KCNIP2: variants seen among roughly 807,000 people sequenced by gnomAD.
KCNIP2 encodes the protein potassium voltage-gated channel interacting protein 2.
KCNIP2 carries 19 observed loss-of-function variants against 39.0 expected under a neutral mutation model. The ratio of observed to expected loss-of-function variants is 0.49; its 90% CI spans 0.34 to 0.71. KCNIP2 has a LOEUF of 0.71. KCNIP2 is among the 30% of genes least tolerant of loss of function. The probability of loss-of-function intolerance (pLI) is 0.01; values close to 1 mark genes in which losing one functional copy is unlikely to be tolerated. For synonymous variants in KCNIP2, 111 were observed against 131.2 expected (o/e 0.85, Z 1.05); for missense variants, 261 against 346.0 (o/e 0.75, Z 1.95).
chr10:101,832,573 C>T (rs1176644147), intron 1 of KCNIP2, among the ~76,000 whole-genome samples: 4 of 152,150 alleles, frequency 2.6e-5, no homozygotes, highest in Admixed American at 1.3e-4. Context: ...TCAACACATC[C>T]TTACCTCCCT....
chr10:101,831,241 G>T, intron 1 of KCNIP2, 74 bp from the exon 2 acceptor site: 1 of 1,157,002 alleles, frequency 8.6e-7, no homozygotes. Context: ...CTCCCCGCCA[G>T]TCACAAATCA....
intron 2 of KCNIP2, among the ~76,000 whole-genome samples, chr10:101,830,705 A>G (rs1391072731): frequency 2.0e-5 from 3 of 149,356 alleles, no homozygotes; most frequent in South Asian, 2.1e-4. Flanking sequence ...ACACACACAC[A>G]CACACGCACG....
At chr10:101,834,382 G>A in intron 1 of KCNIP2, 1 of 399,320 alleles carries the variant, frequency 2.5e-6, no homozygotes, top group Admixed American at 4.4e-5. Flanking sequence ...TGGGCCTGGG[G>A]CATGGCCCCT....
chr10:101,828,098 G>A lies in KCNIP2; in HGVS notation c.597+53C>T. ...TCATATTTCCCTCCCATCACCCTCT[G>A]CACGCCACCCCCATCACCGCCACAG... is the stretch of plus-strand genomic sequence containing the variant. On this transcript the variant is annotated intron_variant, in intron 7 of 9. Transcript: ENST00000356640. The surrounding 1 kb of genome is among the most constrained non-coding windows in gnomAD (Gnocchi z 6.6). The A allele has an allele frequency of 6.4e-7, 1 of 1,565,846 alleles. No homozygotes were observed. Among genetic ancestry groups the A allele is most frequent in the Non-Finnish European group, 8.8e-7 (1 of 1,136,438 alleles).
rs2066234874 is a variant in KCNIP2 at position 101,838,751 on chromosome 10, G to A, written c.73+4745C>T. Among the ~76,000 whole-genome samples the A allele has an allele frequency of 6.6e-6, 1 of 152,232 alleles. No homozygotes were observed. Among genetic ancestry groups the A allele is most frequent in the Non-Finnish European group, 1.5e-5 (1 of 68,042 alleles). ...CCTCCTTTTGGGGGACAGATGGCAA[G>A]GAGAGGCCACAGGCCCTATCTATAC... On this transcript the variant is annotated intron_variant, in intron 1 of 9. Transcript: ENST00000356640. This position sits in a 1 kb window ranked among gnomAD's most constrained non-coding sequence, Gnocchi z 4.0.
chr10:101,836,702 C>A (rs1211050563), intron 1 of KCNIP2, among the ~76,000 whole-genome samples: 2 of 152,162 alleles, frequency 1.3e-5, no homozygotes, highest in Admixed American at 1.3e-4. Flanking sequence ...GTGGCTCATG[C>A]CTGTAATCCC....
intron 1 of KCNIP2, among the ~76,000 whole-genome samples, chr10:101,834,563 C>CGCCTCT (rs201211557): frequency 0.023 from 3,567 of 152,346 alleles, 67 homozygotes; most frequent in Middle Eastern, 0.051. Context: ...CCACAGCCGC[C>CGCCTCT]GCCTCTTCCT....
chr10:101,836,197 T>TA (rs1438435634), intron 1 of KCNIP2, among the ~76,000 whole-genome samples: 1 of 151,724 alleles, frequency 6.6e-6, no homozygotes, highest in East Asian at 1.9e-4. Flanking sequence ...CACAGTACCA[T>TA]ACACCTTCCT....
chr10:101,839,889 C>T (rs370331652), intron 1 of KCNIP2: 17 of 1,528,192 alleles, frequency 1.1e-5, no homozygotes, highest in Non-Finnish European at 1.2e-5. Context: ...GGCCCCGGGG[C>T]GGTCCGGTCT....
In KCNIP2 at chr10:101,828,804, C is replaced by G; in HGVS notation, c.349-108G>C. 6.3e-7 allele frequency: 1 copy of G among 1,596,852 alleles called. No homozygotes were observed. Among genetic ancestry groups the G allele is most frequent in the Non-Finnish European group, 8.5e-7 (1 of 1,171,366 alleles). ...CCAGGGAGGGGGATAATCTTCAAGC[C>G]TCCAGAGGACTCACCACGTGGCTCA... is the stretch of plus-strand genomic sequence containing the variant. On this transcript the variant is annotated intron_variant, in intron 4 of 9. Coordinates refer to ENST00000356640, the MANE Select transcript of KCNIP2 (RefSeq NM_173191.3). This position sits in a 1 kb window ranked among gnomAD's most constrained non-coding sequence, Gnocchi z 6.6.
At chr10:101,830,402 G>T (rs752253144) in intron 2 of KCNIP2, 1 of 1,284,622 alleles carries the variant, frequency 7.8e-7, no homozygotes, top group South Asian at 1.3e-5. Flanking sequence ...GGGGGCGGCC[G>T]CACGGAGTTG....
In KCNIP2 at chr10:101,827,153, C is replaced by A; in HGVS notation, c.*200G>T. The A allele has an allele frequency of 8.1e-7, 1 of 1,237,898 alleles. No homozygotes were observed. Among genetic ancestry groups the A allele is most frequent in the Non-Finnish European group, 1.0e-6 (1 of 973,632 alleles). The allele number at this position is 1,237,898 out of a possible 1,614,324, so 76.7% of individuals were successfully genotyped here. A position where few individuals can be genotyped will look rare whatever the true frequency, so the allele number is the denominator to read the frequency against. ...TGAGAGCTGGTGGGAGTTGGGAACACCCCCCGAGATGCACTCTGCCCACTC... is the reference window on the plus strand; with the variant it reads ...TGAGAGCTGGTGGGAGTTGGGAACAACCCCCGAGATGCACTCTGCCCACTC... On this transcript the variant is annotated 3_prime_UTR_variant, in exon 10 of 10. Transcript: ENST00000356640.
At position 101,827,869 on chromosome 10, in the gene KCNIP2, G is replaced by C. The variant is rs769663599; in HGVS notation, c.702+20C>G. ...CTTCCCTTCACTCCAGGGCCCTCCAGCCTACCCACTCCCAAGTACCTGGAA... is the reference window on the plus strand; with the variant it reads ...CTTCCCTTCACTCCAGGGCCCTCCACCCTACCCACTCCCAAGTACCTGGAA... On this transcript the variant is annotated intron_variant, in intron 8 of 9. Transcript: ENST00000356640. 6.3e-7 allele frequency: 1 copy of C among 1,595,580 alleles called. No individual in the cohort carries two copies. The highest frequency in any genetic ancestry group is 8.6e-7 in the Non-Finnish European group (1 of 1,163,166).
At chr10:101,836,211 C>G (rs780011815) in intron 1 of KCNIP2, among the ~76,000 whole-genome samples, 1 of 152,152 alleles carries the variant, frequency 6.6e-6, no homozygotes, top group Non-Finnish European at 1.5e-5. Context: ...CCTTCCTTCT[C>G]CCCGACCTGC....
At chr10:101,841,975 T>G (rs2066350772) in intron 1 of KCNIP2, among the ~76,000 whole-genome samples, 1 of 152,214 alleles carries the variant, frequency 6.6e-6, no homozygotes, top group South Asian at 2.1e-4. Flanking sequence ...GCATGGTCTC[T>G]CATCTGGGGC....
chr10:101,829,298 TCCGATG>T, intron 3 of KCNIP2, 99 bp from the exon 4 acceptor site: 4 of 1,402,688 alleles, frequency 2.9e-6, no homozygotes, highest in African/African-American at 1.5e-5. Flanking sequence ...CCCGGTCCCA[TCCGATG>T]CCGGAGACCA....
chr10:101,834,972 T>C (rs1045414842), intron 1 of KCNIP2, among the ~76,000 whole-genome samples: 17 of 152,184 alleles, frequency 1.1e-4, no homozygotes, highest in African/African-American at 4.1e-4. Context: ...GTTTGGCGTA[T>C]GGTTATGCAT....
At position 101,828,215 on chromosome 10, in the gene KCNIP2, T is replaced by G. The variant is rs1434391072; in HGVS notation, c.533A>C (p.Asp178Ala). ...GLSVILRGTV[D>A]DRLNWAFNLY... Reference sequence around the variant, plus strand: ...GTTGAAGGCCCAATTAAGCCTGTCATCTACAGTTCCCCGAAGAATCACGGA... The same window carrying G: ...GTTGAAGGCCCAATTAAGCCTGTCAGCTACAGTTCCCCGAAGAATCACGGA... Residue 178 changes from aspartate to alanine, a missense_variant, in exon 7 of 10, where the codon GAT (aspartate) becomes GCT (alanine). Coordinates refer to ENST00000356640, the MANE Select transcript of KCNIP2 (RefSeq NM_173191.3). The surrounding 1 kb of genome is among the most constrained non-coding windows in gnomAD (Gnocchi z 6.6). The G allele has an allele frequency of 6.2e-6, 10 of 1,614,102 alleles. No individual in the cohort carries two copies. The highest frequency in any genetic ancestry group is 6.8e-6 in the Non-Finnish European group (8 of 1,180,020).
intron 1 of KCNIP2, among the ~76,000 whole-genome samples, chr10:101,833,528 C>T (rs1168243046): frequency 6.6e-6 from 1 of 152,106 alleles, no homozygotes; most frequent in East Asian, 1.9e-4. Context: ...TCCTCCCAAG[C>T]CTTGGGTATG....
Sources: gnomAD v4.1 joint callset for allele counts (sites outside exome capture counted in the v4.1 genomes callset) on GRCh38, gnomAD v4.1.1 for gene constraint, Gnocchi (gnomAD v3.1) non-coding constraint, MANE v1.5 for transcripts, NCBI Gene and HGNC (gene_info 2026-07-23, HGNC 2026-07-21) for gene names.